The following CCDC30 variants were observed in gnomAD, a reference collection of about 807,000 sequenced individuals.
The protein encoded by CCDC30 is coiled-coil domain containing 30.
CCDC30 carries 70 observed loss-of-function variants against 100.2 expected under a neutral mutation model. That is an observed-to-expected ratio of 0.70 (90% CI 0.58 to 0.85). CCDC30 has a LOEUF of 0.85. Ranked by LOEUF, CCDC30 falls within the 40% of genes least tolerant of loss-of-function variation. The pLI, the probability that CCDC30 is intolerant of heterozygous loss-of-function variation, is 0.00. For synonymous variants in CCDC30, 233 were observed against 269.5 expected, an observed-to-expected ratio of 0.86 and a Z score of 1.33; for missense variants, 652 against 771.2, an observed-to-expected ratio of 0.85 and a Z score of 1.83.
chr1:42,630,588 G>T (rs550738070), intron 11 of CCDC30, among the ~76,000 whole-genome samples: 2 of 151,654 alleles, frequency 1.3e-5, no homozygotes, highest in African/African-American at 2.4e-5. Flanking sequence ...TGCCATGTTG[G>T]CCAGGCTGTT....
intron 7 of CCDC30, among the ~76,000 whole-genome samples, chr1:42,576,787 G>T (rs796362633): frequency 6.6e-6 from 1 of 152,178 alleles, no homozygotes; most frequent in Non-Finnish European, 1.5e-5. Context: ...TTGAAGAAAG[G>T]ATGGAAAATG....
At chr1:42,475,992 A>G (rs1404840461) in intron 1 of CCDC30, among the ~76,000 whole-genome samples, 3 of 152,328 alleles carry the variant, frequency 2.0e-5, no homozygotes, top group East Asian at 3.9e-4. Flanking sequence ...GGAGATGAAG[A>G]CCCAAAGAAG....
intron 11 of CCDC30, among the ~76,000 whole-genome samples, chr1:42,618,177 G>A (rs1646760858): frequency 6.6e-6 from 1 of 150,786 alleles, no homozygotes; most frequent in Admixed American, 6.6e-5. Context: ...TATACTGCTG[G>A]ATCTTACATC....
At chr1:42,482,623 T>C (rs1360104204) in intron 2 of CCDC30, 40 bp from the exon 3 acceptor site, 1 of 1,184,808 alleles carries the variant, frequency 8.4e-7, no homozygotes, top group Non-Finnish European at 1.1e-6. Context: ...TGAGAGTACA[T>C]TTGCTCTTTG....
At chr1:42,531,241 TC>T (rs1644801070) in intron 6 of CCDC30, among the ~76,000 whole-genome samples, 1 of 152,128 alleles carries the variant, frequency 6.6e-6, no homozygotes. Flanking sequence ...TCCTTCCTCT[TC>T]CCTTTTTTGC....
chr1:42,503,913 A>G (rs897073833), intron 6 of CCDC30, among the ~76,000 whole-genome samples: 1 of 152,182 alleles, frequency 6.6e-6, no homozygotes, highest in African/African-American at 2.4e-5. Context: ...TAGAGGAATT[A>G]AAGACACACA....
chr1:42,642,240 C>CAAA (rs377007248), intron 12 of CCDC30, among the ~76,000 whole-genome samples: 1 of 145,810 alleles, frequency 6.9e-6, no homozygotes, highest in African/African-American at 2.6e-5. Flanking sequence ...AACAAACAAA[C>CAAA]AAAAAAATAT....
At chr1:42,482,891 GAA>G (rs202122677) in intron 3 of CCDC30, 75 bp downstream of exon 3, 248 of 680,558 alleles carry the variant, frequency 3.6e-4, no homozygotes, top group Non-Finnish European at 4.3e-4. Context: ...TGGAACATGA[GAA>G]AAAAAAAAAA....
At chr1:42,456,107 A>T in the CCDC30 span, 2 of 826,004 alleles carry the variant, frequency 2.4e-6, no homozygotes, top group East Asian at 2.6e-5. Flanking sequence ...TTTCAAGGGC[A>T]GAGGGCGGCG....
chr1:42,537,652 T>C, intron 6 of CCDC30: 1 of 188,256 alleles, frequency 5.3e-6, no homozygotes, highest in South Asian at 9.2e-5. Context: ...ACATCCTGTG[T>C]CATCAATGTA....
chr1:42,510,787 G>GA (rs1644465859), intron 6 of CCDC30, among the ~76,000 whole-genome samples: 1 of 152,090 alleles, frequency 6.6e-6, no homozygotes, highest in African/African-American at 2.4e-5. Context: ...AAATAAGGGG[G>GA]ATCCTCAGAT....
chr1:42,578,957 G>A (rs909948186), intron 8 of CCDC30, among the ~76,000 whole-genome samples: 8 of 152,140 alleles, frequency 5.3e-5, no homozygotes, highest in African/African-American at 1.9e-4. Flanking sequence ...TAGCCCTGCT[G>A]TGTCTATGGA....
intron 6 of CCDC30, among the ~76,000 whole-genome samples, chr1:42,554,217 T>C (rs1645319555): frequency 6.6e-6 from 1 of 152,142 alleles, no homozygotes; most frequent in Non-Finnish European, 1.5e-5. Context: ...TGGATTATTT[T>C]ATTGCAGTAA....
chr1:42,575,873 A>T (rs1645826981), intron 7 of CCDC30, among the ~76,000 whole-genome samples: 1 of 152,184 alleles, frequency 6.6e-6, no homozygotes, highest in African/African-American at 2.4e-5. Flanking sequence ...AGACCTGCAG[A>T]ATAGGCAGGC....
At chr1:42,598,359 A>T (rs569610251) in intron 10 of CCDC30, among the ~76,000 whole-genome samples, 5 of 151,612 alleles carry the variant, frequency 3.3e-5, no homozygotes, top group Admixed American at 1.3e-4. Flanking sequence ...CTCTACAAAA[A>T]ATATATATAT....
At chr1:42,611,272 A>C (rs1279513932) in intron 11 of CCDC30, among the ~76,000 whole-genome samples, 182 bp downstream of exon 15, 1 of 152,060 alleles carries the variant, frequency 6.6e-6, no homozygotes, top group Non-Finnish European at 1.5e-5. Context: ...TATGGGGCCT[A>C]ATTTCTTCTC....
chr1:42,470,986 A>AG (rs1349303626), intron 1 of CCDC30, among the ~76,000 whole-genome samples: 1 of 152,226 alleles, frequency 6.6e-6, no homozygotes, highest in Non-Finnish European at 1.5e-5. Flanking sequence ...AATTAAGAAA[A>AG]AGGGGGAAGA....
intron 6 of CCDC30, among the ~76,000 whole-genome samples, chr1:42,517,682 C>T (rs987514324): frequency 2.0e-5 from 3 of 152,108 alleles, no homozygotes; most frequent in Non-Finnish European, 4.4e-5. Flanking sequence ...TTTCCTCCAT[C>T]GTCTTTGCAC....
chr1:42,521,902 A>T (rs1258008112), intron 6 of CCDC30, among the ~76,000 whole-genome samples: 1 of 151,936 alleles, frequency 6.6e-6, no homozygotes, highest in Non-Finnish European at 1.5e-5. Flanking sequence ...TACTATTTGC[A>T]TGAAATGTCT....
Sources: allele counts gnomAD v4.1 joint callset (sites outside exome capture counted in the v4.1 genomes callset), GRCh38; gene constraint gnomAD v4.1.1; transcripts MANE v1.5; gene names NCBI Gene and HGNC (gene_info 2026-07-23, HGNC 2026-07-21).